The following C10orf90 variants were observed in gnomAD, a reference collection of about 807,000 sequenced individuals.
C10orf90 encodes the protein (E2-independent) E3 ubiquitin-conjugating enzyme FATS.
Under a neutral mutation model 62.5 loss-of-function variants are expected in C10orf90, and 56 were observed. The ratio of observed to expected loss-of-function variants is 0.90; its 90% CI spans 0.72 to 1.12. The LOEUF is 1.12. C10orf90 is among the 50% of genes most tolerant of loss of function. The pLI, the probability that C10orf90 is intolerant of heterozygous loss-of-function variation, is 0.00. For missense variants in C10orf90, 970 were observed against 880.4 expected, an observed-to-expected ratio of 1.10 and a Z score of -1.29; for synonymous variants, 386 against 340.4, an observed-to-expected ratio of 1.13 and a Z score of -1.47.
At chr10:126,435,948 C>A (rs1205938646) in intron 7 of C10orf90, among the ~76,000 whole-genome samples, 1 of 152,080 alleles carries the variant, frequency 6.6e-6, no homozygotes, top group African/African-American at 2.4e-5. Flanking sequence ...CAAAAGAGAC[C>A]CAGTGCTTAA....
At position 126,461,457 on chromosome 10, in the gene C10orf90, G is replaced by A. The variant is rs762994400; in HGVS notation, c.1954C>T (p.Leu652=). Reference sequence around the variant, plus strand: ...TGAGACTCAGAACAGTCTTCGGACAGGCCAGGGCTCCCTGCTCCATCGCGG... The same window carrying A: ...TGAGACTCAGAACAGTCTTCGGACAAGCCAGGGCTCCCTGCTCCATCGCGG... ...APRDGAGSPG[L]SEDCSESQQT... The change falls in exon 6 of 10, where the codon CTG becomes TTG. Residue 652 remains leucine (L), a synonymous_variant. Transcript: ENST00000488181. 1.2e-6 allele frequency: 2 copies of A among 1,614,220 alleles called. No individual in the cohort carries two copies. The highest frequency in any genetic ancestry group is 1.7e-6 in the Non-Finnish European group (2 of 1,180,036).
At chr10:126,573,643 C>T (rs1844554103) in intron 2 of C10orf90, among the ~76,000 whole-genome samples, 1 of 152,158 alleles carries the variant, frequency 6.6e-6, no homozygotes, top group Admixed American at 6.5e-5. Flanking sequence ...TTGCCCCTGC[C>T]TTGAATGCTG....
chr10:126,530,179 A>G (rs1591073026), intron 2 of C10orf90, among the ~76,000 whole-genome samples: 1 of 152,220 alleles, frequency 6.6e-6, no homozygotes, highest in Non-Finnish European at 1.5e-5. Flanking sequence ...TCAACTATCT[A>G]TCAGTGAAAA....
chr10:126,461,390 G>A lies in C10orf90; in HGVS notation c.2010+11C>T, dbSNP rs1564808521. The A allele has an allele frequency of 4.3e-6, 7 of 1,613,288 alleles. No homozygotes were observed. In the South Asian group the frequency reaches 7.7e-5, roughly 18 times the overall value. On this transcript the variant is annotated intron_variant, in intron 6 of 9. Transcript: ENST00000488181. ...GGCAGGAATCAAGCCAGGACACACA[G>A]AAGGCCTTACTTGCAAGGTCAAAGA...
intron 4 of C10orf90, among the ~76,000 whole-genome samples, chr10:126,499,589 G>A (rs1000722519): frequency 1.3e-5 from 2 of 152,140 alleles, no homozygotes; most frequent in African/African-American, 4.8e-5. Flanking sequence ...AGCCTCACTC[G>A]CTATTAATGT....
At chr10:126,493,318 T>C (rs1861861710) in intron 4 of C10orf90, among the ~76,000 whole-genome samples, 1 of 151,788 alleles carries the variant, frequency 6.6e-6, no homozygotes, top group Admixed American at 6.6e-5. Context: ...TCCACTTTCC[T>C]CTTTTTGCTT....
chr10:126,450,064 A>G (rs985172014), intron 7 of C10orf90, among the ~76,000 whole-genome samples: 6 of 152,136 alleles, frequency 3.9e-5, no homozygotes, highest in Non-Finnish European at 7.3e-5. Context: ...AATCAAGAAA[A>G]CAATCCCATT....
At chr10:126,615,158 C>T (rs772069121) in intron 2 of C10orf90, among the ~76,000 whole-genome samples, 3 of 152,228 alleles carry the variant, frequency 2.0e-5, no homozygotes, top group South Asian at 2.1e-4. Flanking sequence ...AGAGAGGATG[C>T]GCCCTACCTC....
intron 1 of C10orf90, among the ~76,000 whole-genome samples, chr10:126,649,188 A>G (rs1846242785): frequency 6.6e-6 from 1 of 151,520 alleles, no homozygotes; most frequent in South Asian, 2.1e-4. Flanking sequence ...TGCACTATTG[A>G]TTCAAGAATT....
intron 2 of C10orf90, among the ~76,000 whole-genome samples, chr10:126,583,528 A>G (rs1457721057): frequency 1.4e-4 from 22 of 152,186 alleles, no homozygotes; most frequent in Non-Finnish European, 2.9e-5. Context: ...ATTGAACACT[A>G]TCAATTTTTT....
chr10:126,528,468 A>G (rs528310602), intron 2 of C10orf90, among the ~76,000 whole-genome samples: 1 of 152,336 alleles, frequency 6.6e-6, no homozygotes, highest in East Asian at 1.9e-4. Flanking sequence ...GATTTACAGG[A>G]AAACTGCTAG....
Position 126,556,027 on chromosome 10 carries a change from C to T in C10orf90, c.314-42088G>A, listed in dbSNP as rs547687481. Among the ~76,000 whole-genome samples the T allele has an allele frequency of 2.0e-5, 3 of 152,320 alleles. No homozygotes were observed. In the South Asian group the frequency reaches 6.2e-4, roughly 32 times the overall value. On this transcript the variant is annotated intron_variant, in intron 2 of 9. Coordinates refer to ENST00000488181, the MANE Select transcript of C10orf90 (RefSeq NM_001350921.2). ...GAATTTGTGAAGTGAGTTGACCTCA[C>T]GTTAACCAAAATTGGTGAAAAATGT... is the stretch of plus-strand genomic sequence containing the variant.
At chr10:126,602,758 CT>C (rs150624987) in intron 2 of C10orf90, among the ~76,000 whole-genome samples, 26,607 of 130,562 alleles carry the variant, frequency 0.2, 2,839 homozygotes, top group African/African-American at 0.34. Context: ...GGGTTTTGGG[CT>C]TTTTTTTTTT....
chr10:126,635,906 T>TGG, intron 2 of C10orf90, among the ~76,000 whole-genome samples: 1 of 2,272 alleles, frequency 4.4e-4, no homozygotes, highest in East Asian at 0.12. Context: ...CAAGGTAGTT[T>TGG]GAGAGACAGA....
rs759428907 is a variant in C10orf90 at position 126,504,929 on chromosome 10, G to A, written c.562C>T (p.Arg188Cys). 3 of 1,614,210 alleles carry A rather than the reference G, an allele frequency of 1.9e-6. No individual in the cohort carries two copies. Among genetic ancestry groups the A allele is most frequent in the African/African-American group, 2.7e-5 (2 of 75,056 alleles). Residue 188 changes from arginine to cysteine, a missense_variant, in exon 4 of 10, where the codon CGC (arginine) becomes TGC (cysteine). Physicochemically the swap from Arg to Cys is radical, Grantham distance 180. Coordinates refer to ENST00000488181, the MANE Select transcript of C10orf90 (RefSeq NM_001350921.2). The surrounding 1 kb of genome is among the most constrained non-coding windows in gnomAD (Gnocchi z 4.1). ...AHHAKQSLAN[R>C]SGVNIHRAFA... ...GCTCTGTGAATGTTGACTCCGCTGC[G>A]GTTAGCCAGAGATTGCTTGGCGTGA...
chr10:126,621,465 G>T (rs574898509), intron 2 of C10orf90, among the ~76,000 whole-genome samples: 1 of 152,124 alleles, frequency 6.6e-6, no homozygotes, highest in Non-Finnish European at 1.5e-5. Flanking sequence ...TCTTCATATC[G>T]TTGGTGGCTG....
intron 7 of C10orf90, among the ~76,000 whole-genome samples, chr10:126,442,925 G>A (rs1476991388): frequency 1.6e-4 from 24 of 151,620 alleles, no homozygotes; most frequent in Admixed American, 9.8e-4. Flanking sequence ...GCTCAAAAAC[G>A]AAATCAAGAT....
intron 1 of C10orf90, among the ~76,000 whole-genome samples, chr10:126,668,596 C>A (rs1474822722): frequency 6.6e-6 from 1 of 152,138 alleles, no homozygotes; most frequent in Non-Finnish European, 1.5e-5. Context: ...AAGAGCAGAC[C>A]TTGAAGTTCA....
At chr10:126,617,424 C>T (rs1845563223) in intron 2 of C10orf90, among the ~76,000 whole-genome samples, 1 of 152,228 alleles carries the variant, frequency 6.6e-6, no homozygotes, top group African/African-American at 2.4e-5. Context: ...CTCAGGGATA[C>T]TGTGCCTTCC....
Sources: allele counts gnomAD v4.1 joint callset (sites outside exome capture counted in the v4.1 genomes callset), GRCh38; gene constraint gnomAD v4.1.1; non-coding constraint Gnocchi (gnomAD v3.1); transcripts MANE v1.5; gene names NCBI Gene and HGNC (gene_info 2026-07-23, HGNC 2026-07-21).